Variants in NCOA2 observed in about 807,000 individuals in gnomAD.
The protein encoded by NCOA2 is nuclear receptor coactivator 2.
Under a neutral mutation model 145.1 loss-of-function variants are expected in NCOA2, and 21 were observed. That is an observed-to-expected ratio of 0.14 (90% confidence interval 0.10 to 0.21). The LOEUF (loss-of-function observed/expected upper bound fraction) is 0.21. Among genes scored for constraint, NCOA2 ranks in the 10% least tolerant of loss-of-function variants. NCOA2 has a pLI of 1.00. For missense variants in NCOA2, 1,472 were observed against 1,837.6 expected, an observed-to-expected ratio of 0.80 and a Z score of 3.64; for synonymous variants, 619 against 637.5, an observed-to-expected ratio of 0.97 and a Z score of 0.44.
the NCOA2 span, among the ~76,000 whole-genome samples, chr8:70,445,839 G>A: frequency 4.4e-4 from 67 of 152,282 alleles, no homozygotes; most frequent in Admixed American, 5.9e-4. Context: ...TTGCTTCCAT[G>A]AATAGCGCAG....
the NCOA2 span, among the ~76,000 whole-genome samples, chr8:70,440,868 AAGAC>A: frequency 6.6e-5 from 10 of 151,768 alleles, no homozygotes; most frequent in South Asian, 2.1e-4. Context: ...GGAAGAAAGA[AAGAC>A]AGACTCTCAG....
chr8:70,249,336 G>A (rs1399778456), intron 2 of NCOA2, among the ~76,000 whole-genome samples: 2 of 152,050 alleles, frequency 1.3e-5, no homozygotes, highest in Non-Finnish European at 2.9e-5. Flanking sequence ...AGGTGATTAC[G>A]TTGCAATATG....
intron 7 of NCOA2, among the ~76,000 whole-genome samples, chr8:70,164,414 A>T (rs193176410): frequency 2.6e-5 from 4 of 152,234 alleles, no homozygotes; most frequent in African/African-American, 9.6e-5. Context: ...CTGATTTCTG[A>T]TTGTTTACCT....
chr8:70,222,090 A>C (rs144855119), intron 2 of NCOA2, among the ~76,000 whole-genome samples: 3 of 152,318 alleles, frequency 2.0e-5, no homozygotes, highest in East Asian at 1.9e-4. Context: ...CTACAGATTA[A>C]TGTACAGAAT....
At chr8:70,252,764 A>G (rs1823309002) in intron 2 of NCOA2, among the ~76,000 whole-genome samples, 2 of 152,222 alleles carry the variant, frequency 1.3e-5, no homozygotes, top group Non-Finnish European at 2.9e-5. Flanking sequence ...ATTTATTCGC[A>G]GATTTGACCA....
At chr8:70,370,134 C>T (rs915918176) in intron 1 of NCOA2, among the ~76,000 whole-genome samples, 1 of 152,112 alleles carries the variant, frequency 6.6e-6, no homozygotes, top group Non-Finnish European at 1.5e-5. Flanking sequence ...ATCCACCTGC[C>T]TCAGTCACCC....
intron 4 of NCOA2, among the ~76,000 whole-genome samples, chr8:70,175,199 C>T (rs1429734346): frequency 6.6e-6 from 1 of 152,132 alleles, no homozygotes; most frequent in Non-Finnish European, 1.5e-5. Context: ...CAGGAGATTC[C>T]CCAAACTAGG....
intron 1 of NCOA2, among the ~76,000 whole-genome samples, chr8:70,327,871 C>G (rs2136249890): frequency 6.6e-6 from 1 of 152,274 alleles, no homozygotes. Flanking sequence ...AATCTCCACT[C>G]CTTTGGGAAG....
At chr8:70,433,374 T>C in the NCOA2 span, among the ~76,000 whole-genome samples, 7 of 151,430 alleles carry the variant, frequency 4.6e-5, no homozygotes, top group African/African-American at 1.7e-4. Flanking sequence ...CCACTTTAGG[T>C]AGGAATTCAC....
At chr8:70,303,628 C>T (rs1436613141) in intron 1 of NCOA2, among the ~76,000 whole-genome samples, 4 of 152,186 alleles carry the variant, frequency 2.6e-5, no homozygotes, top group Non-Finnish European at 5.9e-5. Context: ...ATCTTCTCCT[C>T]TAGACTGTGA....
chr8:70,157,265 TG>T, intron 10 of NCOA2, 25 bp from the exon 11 acceptor site: 4 of 1,498,934 alleles, frequency 2.7e-6, no homozygotes, highest in African/African-American at 1.4e-5. Flanking sequence ...AAGAAAAAAA[TG>T]TAAGATAAAA....
rs141603454 is a variant in NCOA2, at chr8:70,275,605, AAAG to A, written c.-20+21136_-20+21138del. ...TAATTAAAAAAACAAACAGCTAACC[AAAG>A]AAGAACAAGCTTAGCGGAGAAAATA... On this transcript the variant is annotated intron_variant, in intron 2 of 22. Transcript: ENST00000452400. Among the ~76,000 whole-genome samples, 1,413 of 152,274 alleles carry A rather than the reference AAAG, an allele frequency of 9.3e-3. 22 individuals are homozygous for A. The highest frequency in any genetic ancestry group is 0.032 in the African/African-American group (1,317 of 41,564).
intron 1 of NCOA2, among the ~76,000 whole-genome samples, chr8:70,307,624 A>G (rs149907073): frequency 5.2e-4 from 79 of 152,330 alleles, no homozygotes; most frequent in African/African-American, 1.9e-3. Context: ...CGTGTTAAAG[A>G]TGAGTATTTT....
intron 10 of NCOA2, 50 bp downstream of exon 10, chr8:70,159,455 A>G (rs1310567092): frequency 6.8e-7 from 1 of 1,468,894 alleles, no homozygotes; most frequent in South Asian, 1.3e-5. Flanking sequence ...CTTTTGTAAT[A>G]TCTCCTCTTA....
chr8:70,193,183 T>C (rs1304311858), intron 4 of NCOA2, among the ~76,000 whole-genome samples: 1 of 151,510 alleles, frequency 6.6e-6, no homozygotes, highest in African/African-American at 2.4e-5. Context: ...GAACTATCTA[T>C]CATTACACCA....
the NCOA2 span, among the ~76,000 whole-genome samples, chr8:70,436,971 T>C: frequency 6.6e-6 from 1 of 152,128 alleles, no homozygotes; most frequent in Non-Finnish European, 1.5e-5. Context: ...TTAGGAAAAA[T>C]ATCTTGGGAT....
At position 70,157,196 on chromosome 8, in the gene NCOA2, G is replaced by A. The variant is rs780440526; in HGVS notation, c.1169C>T (p.Thr390Met). Residue 390 changes from threonine (T) to methionine (M), a missense_variant, in exon 11 of 23, where the codon ACG becomes ATG. This residue lies in a region of NCOA2 where 953 missense variants were observed against 1,062.1 expected (regional missense o/e 0.90). Transcript: ENST00000452400. ...CVMNPDLTGQTMGKPLNPISS... is the reference protein window; with the variant it reads ...CVMNPDLTGQMMGKPLNPISS... ...AATTGGATTCAGTGGCTTCCCCATCGTTTGTCCAGTCAGATCCGGATTCAT... is the reference window on the plus strand; with the variant it reads ...AATTGGATTCAGTGGCTTCCCCATCATTTGTCCAGTCAGATCCGGATTCAT... 14 of 1,588,816 alleles carry A rather than the reference G, an allele frequency of 8.8e-6. No individual in the cohort carries two copies. Among genetic ancestry groups the A allele is most frequent in the South Asian group, 2.3e-5 (2 of 87,188 alleles).
chr8:70,240,521 T>G (rs535279742), intron 2 of NCOA2, among the ~76,000 whole-genome samples: 1 of 152,252 alleles, frequency 6.6e-6, no homozygotes, highest in East Asian at 1.9e-4. Context: ...TTTTTTGCAT[T>G]TTTGTTCTTC....
At position 70,214,060 on chromosome 8, in the gene NCOA2, A is replaced by T; in HGVS notation, c.102T>A (p.Thr34=). Residue 34 remains threonine (T), a synonymous_variant, in exon 4 of 23, where the codon ACT becomes ACA. Transcript: ENST00000452400. ...TTTCCTGTTCACGATTACGTTTTTC[A>T]GTGTTCCTTTTGGGGCTTAAAAGAA... ...DQLGPSPKRN[T]EKRNREQENK... 4 of 1,604,432 alleles carry T rather than the reference A, an allele frequency of 2.5e-6. No homozygotes were observed. Among genetic ancestry groups the T allele is most frequent in the Non-Finnish European group, 3.4e-6 (4 of 1,177,978 alleles).
Sources: allele counts gnomAD v4.1 joint callset (sites outside exome capture counted in the v4.1 genomes callset), GRCh38; gene constraint gnomAD v4.1.1; regional missense constraint gnomAD v4.1.1; transcripts MANE v1.5; gene names NCBI Gene and HGNC (gene_info 2026-07-23, HGNC 2026-07-21).